PIAS1: variants seen among roughly 807,000 people sequenced by gnomAD.
PIAS1 encodes the protein E3 SUMO-protein ligase PIAS1.
Under a neutral mutation model 71.3 loss-of-function variants are expected in PIAS1, and 6 were observed. The ratio of observed to expected loss-of-function variants is 0.08; its 90% CI spans 0.05 to 0.17. The LOEUF (loss-of-function observed/expected upper bound fraction) is 0.17, where lower values mean the gene tolerates loss of function less well. Among genes scored for constraint, PIAS1 ranks in the 10% least tolerant of loss-of-function variants. The probability of loss-of-function intolerance (pLI) is 1.00; values close to 1 mark genes in which losing one functional copy is unlikely to be tolerated. For synonymous variants in PIAS1, 303 were observed against 292.9 expected, an observed-to-expected ratio of 1.03 and a Z score of -0.35; for missense variants, 555 against 793.6, an observed-to-expected ratio of 0.70 and a Z score of 3.61.
chr15:68,093,177 C>T (rs2092346490), intron 2 of PIAS1, among the ~76,000 whole-genome samples: 1 of 152,194 alleles, frequency 6.6e-6, no homozygotes. Flanking sequence ...TTTTAAATAG[C>T]AACTTGGCTT....
chr15:68,077,595 A>G (rs952578528), intron 1 of PIAS1, among the ~76,000 whole-genome samples: 5 of 152,258 alleles, frequency 3.3e-5, no homozygotes, highest in Non-Finnish European at 7.3e-5. Context: ...CTGGGGGCCC[A>G]GTCAAGAAAG....
intron 2 of PIAS1, among the ~76,000 whole-genome samples, chr15:68,100,741 C>T (rs920595086): frequency 6.6e-6 from 1 of 152,096 alleles, no homozygotes; most frequent in Non-Finnish European, 1.5e-5. Flanking sequence ...AATTATTTTC[C>T]AGACTGACTG....
At position 68,153,573 on chromosome 15, in the gene PIAS1, C is replaced by T. The variant is rs778262394; in HGVS notation, c.829-17C>T. On this transcript the variant is annotated splice_polypyrimidine_tract_variant and intron_variant, in intron 6 of 13. Coordinates refer to ENST00000249636, the MANE Select transcript of PIAS1 (RefSeq NM_016166.3). ...ACTTACATATGTTGTTTGTTTTCTA[C>T]TTCTTTTTTTTTCCAGAACTATTCC... 9.5e-6 allele frequency: 11 copies of T among 1,152,982 alleles called. No homozygotes were observed. In the East Asian group the frequency reaches 2.1e-4, roughly 22 times the overall value. The allele number at this position is 1,152,982 out of a possible 1,614,324, so 71.4% of individuals were successfully genotyped here. A position where few individuals can be genotyped will look rare whatever the true frequency, so the allele number is the denominator to read the frequency against.
At chr15:68,145,306 C>T (rs1255308875) in intron 4 of PIAS1, among the ~76,000 whole-genome samples, 1 of 152,094 alleles carries the variant, frequency 6.6e-6, no homozygotes, top group African/African-American at 2.4e-5. Context: ...AAAGCATTCT[C>T]AGTATTTTCT....
Position 68,059,784 on chromosome 15 carries a change from T to C in PIAS1, c.24+5434T>C, listed in dbSNP as rs117951920. 7.0e-4 allele frequency among the ~76,000 whole-genome samples: 107 copies of C among 152,186 alleles called. 1 individual carries two copies. The East Asian group carries it at 0.019, about 27-fold the overall frequency. On this transcript the variant is annotated intron_variant, in intron 1 of 13. Coordinates refer to ENST00000249636, the MANE Select transcript of PIAS1 (RefSeq NM_016166.3). ...TTGTAGAGTCAGGGGTCTCACTGTGTTGCCCAGGCTGGTCTCAAATTCCTG... is the reference window on the plus strand; with the variant it reads ...TTGTAGAGTCAGGGGTCTCACTGTGCTGCCCAGGCTGGTCTCAAATTCCTG...
In PIAS1 at chr15:68,193,713, G is replaced by C. The variant is rs763878164; in HGVS notation, c.*5878G>C. 1.1e-4 allele frequency: 34 copies of C among 308,324 alleles called. No individual in the cohort carries two copies. The highest frequency in any genetic ancestry group is 1.9e-4 in the Non-Finnish European group (32 of 164,498). The allele number at this position is 308,324 out of a possible 1,614,324, so 19.1% of individuals were successfully genotyped here. ...GTGAAATGATTTGCCCAAAGTCACAGTGGGAAGCAGCAGAGCCAGGACTGG... is the reference window on the plus strand; with the variant it reads ...GTGAAATGATTTGCCCAAAGTCACACTGGGAAGCAGCAGAGCCAGGACTGG... On this transcript the variant is annotated 3_prime_UTR_variant, in exon 14 of 14. Coordinates refer to ENST00000249636, the MANE Select transcript of PIAS1 (RefSeq NM_016166.3).
chr15:68,073,174 C>A (rs1462904442), intron 1 of PIAS1, among the ~76,000 whole-genome samples: 3 of 152,138 alleles, frequency 2.0e-5, no homozygotes, highest in African/African-American at 7.2e-5. Flanking sequence ...TGCCACCACG[C>A]CCGGCTCATT....
chr15:68,095,288 C>T (rs1001458427), intron 2 of PIAS1, among the ~76,000 whole-genome samples: 2 of 151,816 alleles, frequency 1.3e-5, no homozygotes, highest in African/African-American at 4.8e-5. Context: ...AATTTAACAG[C>T]GAATTCTGCC....
At chr15:68,141,867 A>C in intron 2 of PIAS1, 79 bp from the exon 3 acceptor site, 1 of 748,228 alleles carries the variant, frequency 1.3e-6, no homozygotes, top group Non-Finnish European at 2.2e-6. Context: ...AATTAAAGAC[A>C]TGTGTGTTTT....
At chr15:68,103,778 G>A (rs542978001) in intron 2 of PIAS1, among the ~76,000 whole-genome samples, 2 of 152,252 alleles carry the variant, frequency 1.3e-5, no homozygotes, top group South Asian at 4.2e-4. Context: ...TGTATGTGCC[G>A]AAACTTTGTT....
Position 68,143,757 on chromosome 15 carries a change from G to A in PIAS1, c.602+1420G>A, listed in dbSNP as rs114017437. Among the ~76,000 whole-genome samples, 553 of 152,116 alleles carry A rather than the reference G, an allele frequency of 3.6e-3. 2 individuals are homozygous for A. The highest frequency in any genetic ancestry group is 0.013 in the African/African-American group (538 of 41,498). On this transcript the variant is annotated intron_variant, in intron 4 of 13. Transcript: ENST00000249636. Reference sequence around the variant, plus strand: ...TCAGTGGTTTTCAAACTTGTTGCATGGAGCCACCCTTAGGGGTTCATACTC... The same window carrying A: ...TCAGTGGTTTTCAAACTTGTTGCATAGAGCCACCCTTAGGGGTTCATACTC...
At position 68,055,576 on chromosome 15, in the gene PIAS1, C is replaced by T. The variant is rs367693185; in HGVS notation, c.24+1226C>T. Among the ~76,000 whole-genome samples, 4 of 152,070 alleles carry T rather than the reference C, an allele frequency of 2.6e-5. 1 individual carries two copies. The highest frequency in any genetic ancestry group is 6.5e-5 in the Admixed American group (1 of 15,278). On this transcript the variant is annotated intron_variant, in intron 1 of 13. Coordinates refer to ENST00000249636, the MANE Select transcript of PIAS1 (RefSeq NM_016166.3). ...AATTTTGGTTTAGTAGCAGGCAGTT[C>T]TTAACTAACGCGTATTATTTCGAGG...
At chr15:68,122,442 G>T (rs781496411) in intron 2 of PIAS1, among the ~76,000 whole-genome samples, 2 of 152,104 alleles carry the variant, frequency 1.3e-5, no homozygotes, top group Non-Finnish European at 1.5e-5. Flanking sequence ...GGAGTCCTAG[G>T]TGGCAACTAT....
chr15:68,176,732 A>C, intron 11 of PIAS1, 78 bp downstream of exon 11: 1 of 989,582 alleles, frequency 1.0e-6, no homozygotes, highest in South Asian at 1.8e-5. Flanking sequence ...CTTGCCAAAT[A>C]AAATGATTCT....
intron 1 of PIAS1, among the ~76,000 whole-genome samples, chr15:68,073,252 C>G (rs867690242): frequency 5.9e-5 from 9 of 152,150 alleles, no homozygotes; most frequent in Admixed American, 5.9e-4. Context: ...CTCCTGACCT[C>G]GTGATCTACC....
At chr15:68,153,082 G>A (rs185883024) in intron 6 of PIAS1, among the ~76,000 whole-genome samples, 18 of 151,584 alleles carry the variant, frequency 1.2e-4, no homozygotes, top group African/African-American at 4.4e-4. Flanking sequence ...CTACTTGAAG[G>A]CATAGAGAAA....
At chr15:68,152,801 C>T (rs1567066202) in intron 6 of PIAS1, among the ~76,000 whole-genome samples, 1 of 152,018 alleles carries the variant, frequency 6.6e-6, no homozygotes, top group Non-Finnish European at 1.5e-5. Context: ...TCCTACCCTT[C>T]GTGAACCTCA....
intron 1 of PIAS1, among the ~76,000 whole-genome samples, chr15:68,072,066 A>G (rs2092103099): frequency 6.6e-6 from 1 of 151,592 alleles, no homozygotes; most frequent in Non-Finnish European, 1.5e-5. Flanking sequence ...CAGCTACTAG[A>G]TCCACATGTG....
chr15:68,161,490 T>C (rs2092924083), intron 7 of PIAS1, among the ~76,000 whole-genome samples: 1 of 146,470 alleles, frequency 6.8e-6, no homozygotes, highest in South Asian at 2.1e-4. Flanking sequence ...AGGCATAGGT[T>C]TTTTTTTTTT....
Sources: gnomAD v4.1 joint callset for allele counts (sites outside exome capture counted in the v4.1 genomes callset) on GRCh38, gnomAD v4.1.1 for gene constraint, MANE v1.5 for transcripts, NCBI Gene and HGNC (gene_info 2026-07-23, HGNC 2026-07-21) for gene names.